The following MAGI2 variants were observed in gnomAD, a reference collection of about 807,000 sequenced individuals.
MAGI2 encodes the protein membrane associated guanylate kinase, WW and PDZ domain containing 2.
In MAGI2, 35 loss-of-function variants were observed where a neutral mutation model predicts 133.3. The ratio of observed to expected loss-of-function variants is 0.26; its 90% CI spans 0.20 to 0.35. The LOEUF (loss-of-function observed/expected upper bound fraction) is 0.35. Among genes scored for constraint, MAGI2 ranks in the 10% least tolerant of loss-of-function variants. MAGI2 has a pLI of 1.00. For synonymous variants in MAGI2, 729 were observed against 710.6 expected (o/e 1.03, Z -0.41); for missense variants, 1,636 against 1,863.4 (o/e 0.88, Z 2.25).
chr7:79,127,722 G>A (rs189915681), intron 1 of MAGI2, among the ~76,000 whole-genome samples: 2,345 of 152,258 alleles, frequency 0.015, 29 homozygotes, highest in Non-Finnish European at 0.024. Flanking sequence ...TGAGTAGGTT[G>A]CAAAAATTTT....
At chr7:78,869,543 AG>A (rs1472390805) in intron 2 of MAGI2, among the ~76,000 whole-genome samples, 1 of 152,196 alleles carries the variant, frequency 6.6e-6, no homozygotes, top group Non-Finnish European at 1.5e-5. Context: ...TAATTTATAA[AG>A]GAAAGAAGTT....
At chr7:79,170,679 C>A (rs561656168) in intron 1 of MAGI2, among the ~76,000 whole-genome samples, 2 of 152,084 alleles carry the variant, frequency 1.3e-5, no homozygotes, top group South Asian at 4.2e-4. Context: ...ATTCAACAAC[C>A]CTTGTCTAAG....
Position 78,347,913 on chromosome 7 carries a change from C to G in MAGI2, c.1104-1870G>C, listed in dbSNP as rs17150575. The stretch of plus-strand genomic sequence containing the variant: ...ACTAATAATATCTGTGCCTGTAAAG[C>G]ATGTGAGCTGTAAACTCTAACACTG... On this transcript the variant is annotated intron_variant, in intron 7 of 21. Coordinates refer to ENST00000354212, the MANE Select transcript of MAGI2 (RefSeq NM_012301.4). Among the ~76,000 whole-genome samples, 1,239 of 152,304 alleles carry G rather than the reference C, an allele frequency of 8.1e-3. 47 individuals carry two copies. The highest frequency in any genetic ancestry group is 0.076 in the South Asian group (367 of 4,822).
intron 2 of MAGI2, among the ~76,000 whole-genome samples, chr7:78,820,854 A>G (rs1337243527): frequency 6.6e-6 from 1 of 152,142 alleles, no homozygotes; most frequent in East Asian, 1.9e-4. Context: ...TACTTAGGCT[A>G]CAGAAATAAG....
chr7:79,010,303 A>C (rs1454582784), intron 1 of MAGI2, among the ~76,000 whole-genome samples: 2 of 152,092 alleles, frequency 1.3e-5, no homozygotes, highest in Non-Finnish European at 2.9e-5. Flanking sequence ...ACACATACAC[A>C]TACATAGGTA....
At chr7:78,025,854 C>T (rs1196247576) in intron 21 of MAGI2, among the ~76,000 whole-genome samples, 1 of 152,180 alleles carries the variant, frequency 6.6e-6, no homozygotes. Flanking sequence ...GGCGCAAAGT[C>T]AAATTCTGAA....
intron 1 of MAGI2, among the ~76,000 whole-genome samples, chr7:79,387,706 A>G (rs926087672): frequency 6.6e-6 from 1 of 152,038 alleles, no homozygotes; most frequent in African/African-American, 2.4e-5. Context: ...ACTCACCTAT[A>G]TAAGCATTTA....
chr7:79,315,346 T>G (rs1286376045), intron 1 of MAGI2, among the ~76,000 whole-genome samples: 4 of 72,858 alleles, frequency 5.5e-5, no homozygotes, highest in African/African-American at 1.8e-4. Context: ...TTTTTTTTTT[T>G]GTATTTTTAG....
intron 1 of MAGI2, among the ~76,000 whole-genome samples, chr7:79,091,249 C>T (rs1251735238): frequency 1.3e-5 from 2 of 152,128 alleles, no homozygotes; most frequent in East Asian, 3.9e-4. Flanking sequence ...TGCCCTCCCA[C>T]CCCACCAACA....
intron 1 of MAGI2, among the ~76,000 whole-genome samples, chr7:79,247,497 C>T (rs574010914): frequency 6.6e-6 from 1 of 152,062 alleles, no homozygotes; most frequent in South Asian, 2.1e-4. Flanking sequence ...CCTGTGGTCC[C>T]AGCTGCTTGG....
At chr7:78,486,307 G>GA (rs1246046610) in intron 6 of MAGI2, 1 of 151,898 alleles carries the variant, frequency 6.6e-6, no homozygotes, top group Non-Finnish European at 1.5e-5. Flanking sequence ...GTCCTGAGAA[G>GA]AAAAATATTT....
chr7:79,405,827 G>A (rs1845764052), intron 1 of MAGI2, among the ~76,000 whole-genome samples: 1 of 150,340 alleles, frequency 6.7e-6, no homozygotes, highest in Non-Finnish European at 1.5e-5. Flanking sequence ...ATATATTTGA[G>A]AGCCCAAAAT....
At chr7:78,733,877 AT>A (rs1305219111) in intron 2 of MAGI2, among the ~76,000 whole-genome samples, 41 of 152,344 alleles carry the variant, frequency 2.7e-4, no homozygotes, top group African/African-American at 9.4e-4. Context: ...AAATATTTGT[AT>A]TTAATACAAT....
At chr7:79,253,397 C>T (rs1326411863) in intron 1 of MAGI2, among the ~76,000 whole-genome samples, 3 of 152,120 alleles carry the variant, frequency 2.0e-5, no homozygotes, top group Non-Finnish European at 2.9e-5. Flanking sequence ...AATCCCAGCA[C>T]TTTGGGTGGC....
chr7:78,771,536 A>C (rs1367113027), intron 2 of MAGI2, among the ~76,000 whole-genome samples: 1 of 152,250 alleles, frequency 6.6e-6, no homozygotes, highest in Non-Finnish European at 1.5e-5. Flanking sequence ...AAGCTAGTAT[A>C]GTATAATGAA....
At chr7:79,385,813 T>A (rs771636055) in intron 1 of MAGI2, among the ~76,000 whole-genome samples, 3 of 151,984 alleles carry the variant, frequency 2.0e-5, no homozygotes, top group East Asian at 1.9e-4. Flanking sequence ...GTATTAGGGA[T>A]CTTTGTTAAA....
intron 2 of MAGI2, among the ~76,000 whole-genome samples, chr7:78,681,367 TAA>T (rs1451597817): frequency 5.9e-5 from 9 of 152,168 alleles, no homozygotes; most frequent in African/African-American, 2.2e-4. Flanking sequence ...TTATAAGCCA[TAA>T]AGAAATAATT....
intron 1 of MAGI2, among the ~76,000 whole-genome samples, chr7:79,313,514 A>C (rs767791014): frequency 5.4e-4 from 82 of 152,280 alleles, no homozygotes; most frequent in Non-Finnish European, 1.1e-3. Flanking sequence ...TTAATCTCCA[A>C]CTATACATGA....
At chr7:78,986,130 A>G (rs1203596128) in intron 2 of MAGI2, among the ~76,000 whole-genome samples, 1 of 152,114 alleles carries the variant, frequency 6.6e-6, no homozygotes, top group Non-Finnish European at 1.5e-5. Context: ...CTGAAGTAAC[A>G]CTACTTAGCA....
Sources: allele counts gnomAD v4.1 joint callset (sites outside exome capture counted in the v4.1 genomes callset), GRCh38; gene constraint gnomAD v4.1.1; transcripts MANE v1.5; gene names NCBI Gene and HGNC (gene_info 2026-07-23, HGNC 2026-07-21).